The following MTREX variants were observed in gnomAD, a reference collection of about 807,000 sequenced individuals.
The protein encoded by MTREX is exosome RNA helicase MTR4.
A neutral mutation model predicts 135.4 loss-of-function variants in MTREX; 76 were observed. The observed-to-expected ratio is 0.56, with a 90% CI of 0.47 to 0.68. The LOEUF (loss-of-function observed/expected upper bound fraction) is 0.68, where lower values mean the gene tolerates loss of function less well. MTREX is among the 30% of genes least tolerant of loss of function. MTREX has a pLI of 0.00. For synonymous variants in MTREX, 404 were observed against 401.6 expected, an observed-to-expected ratio of 1.01 and a Z score of -0.07; for missense variants, 920 against 1,262.1, an observed-to-expected ratio of 0.73 and a Z score of 4.11.
intron 26 of MTREX, 145 bp downstream of exon 26, chr5:55,423,127 A>G (rs539295427): frequency 3.2e-6 from 2 of 626,360 alleles, no homozygotes; most frequent in South Asian, 2.1e-5. Context: ...TTTCTATAAA[A>G]TTTAGTGTGT....
intron 18 of MTREX, among the ~76,000 whole-genome samples, chr5:55,384,165 T>C (rs1022182110): frequency 1.3e-5 from 2 of 152,188 alleles, no homozygotes; most frequent in African/African-American, 4.8e-5. Context: ...GTCCTATATT[T>C]CTCTGAGGCT....
At chr5:55,314,969 C>T (rs535869611) in intron 1 of MTREX, among the ~76,000 whole-genome samples, 8 of 152,316 alleles carry the variant, frequency 5.3e-5, no homozygotes, top group South Asian at 2.1e-4. Flanking sequence ...TTCACTCACT[C>T]GCTGCTCACT....
rs192221537 is a variant in MTREX at position 55,352,211 on chromosome 5, T to A, written c.1432-957T>A. 1.8e-3 allele frequency among the ~76,000 whole-genome samples: 276 copies of A among 152,194 alleles called. 1 individual carries two copies. Among genetic ancestry groups the A allele is most frequent in the Non-Finnish European group, 2.8e-3 (189 of 67,994 alleles). ...TTATGTTTAAAAATTATTAGAATTT[T>A]AAAAATCAAATGTGAGATTTATCAT... On this transcript the variant is annotated intron_variant, in intron 13 of 26. Transcript: ENST00000230640.
At chr5:55,410,670 A>G (rs1730829514) in intron 23 of MTREX, 41 bp downstream of exon 23, 2 of 1,222,580 alleles carry the variant, frequency 1.6e-6, no homozygotes, top group Admixed American at 1.8e-5. Context: ...ATTAATTCAC[A>G]CATCATGTAG....
chr5:55,425,239 A>G lies in MTREX; in HGVS notation c.*467A>G. ...GGTGATTGCTCGGATAGTGATTCCC[A>G]GTTGTTGGTGTTTCATGCAGAGTTG... On this transcript the variant is annotated 3_prime_UTR_variant, in exon 27 of 27. Transcript: ENST00000230640. 6.2e-7 allele frequency: 1 copy of G among 1,613,918 alleles called. No homozygotes were observed. Among genetic ancestry groups the G allele is most frequent in the Non-Finnish European group, 8.5e-7 (1 of 1,179,950 alleles).
At chr5:55,354,590 G>A (rs1424047050) in intron 14 of MTREX, among the ~76,000 whole-genome samples, 2 of 152,324 alleles carry the variant, frequency 1.3e-5, no homozygotes, top group East Asian at 3.9e-4. Flanking sequence ...TAAAATGTTG[G>A]ATGCTCTACA....
chr5:55,343,551 G>A, intron 8 of MTREX, 96 bp downstream of exon 8: 3 of 1,062,782 alleles, frequency 2.8e-6, no homozygotes, highest in Admixed American at 5.3e-5. Context: ...ATGTTGTCCA[G>A]AATAATAAAA....
intron 7 of MTREX, 112 bp downstream of exon 7, chr5:55,341,883 A>G (rs1237001320): frequency 1.8e-6 from 1 of 545,258 alleles, no homozygotes; most frequent in Non-Finnish European, 3.2e-6. Context: ...CTAGGGTTCT[A>G]ATAAACTGTT....
chr5:55,410,846 CATTA>C (rs1750875666), intron 23 of MTREX, among the ~76,000 whole-genome samples: 1 of 152,022 alleles, frequency 6.6e-6, no homozygotes. Flanking sequence ...CAACAATCAC[CATTA>C]ATTAGATTTT....
At chr5:55,322,185 G>A (rs761601403) in intron 1 of MTREX, 142 bp from the exon 2 acceptor site, 67 of 557,638 alleles carry the variant, frequency 1.2e-4, no homozygotes, top group Non-Finnish European at 1.8e-4. Flanking sequence ...AAGGTATTCC[G>A]GGCTTCAGCC....
intron 5 of MTREX, among the ~76,000 whole-genome samples, chr5:55,335,294 G>A (rs1268503270): frequency 6.6e-6 from 1 of 151,944 alleles, no homozygotes. Context: ...TGTAGAGAAA[G>A]CATTTTAATT....
intron 22 of MTREX, among the ~76,000 whole-genome samples, chr5:55,409,796 A>G (rs2111611351): frequency 6.6e-6 from 1 of 152,324 alleles, no homozygotes; most frequent in African/African-American, 2.4e-5. Context: ...CTAGAATTGT[A>G]TTTCCTAGAT....
intron 22 of MTREX, among the ~76,000 whole-genome samples, chr5:55,406,594 G>T (rs958263852): frequency 1.1e-4 from 16 of 152,180 alleles, no homozygotes. Flanking sequence ...CTGGATTCAA[G>T]TGGGGGATAA....
At chr5:55,374,272 A>G (rs1175349247) in intron 16 of MTREX, among the ~76,000 whole-genome samples, 2 of 146,364 alleles carry the variant, frequency 1.4e-5, no homozygotes, top group African/African-American at 2.5e-5. Context: ...ATTTATATAT[A>G]TATATATATA....
rs1384485625 is a variant in MTREX at position 55,425,215 on chromosome 5, G to GTGAT, written c.*446_*449dup. 4 of 1,613,290 alleles carry GTGAT rather than the reference G, an allele frequency of 2.5e-6. No individual in the cohort carries two copies. The highest frequency in any genetic ancestry group is 2.7e-5 in the African/African-American group (2 of 74,852). On this transcript the variant is annotated 3_prime_UTR_variant, in exon 27 of 27. Coordinates refer to ENST00000230640, the MANE Select transcript of MTREX (RefSeq NM_015360.5). ...GGCACCCTGCTGCCTTTCAAGGCTGGTGATTGCTCGGATAGTGATTCCCAG... is the reference window on the plus strand; with the variant it reads ...GGCACCCTGCTGCCTTTCAAGGCTGGTGATTGATTGCTCGGATAGTGATTCCCAG...
Sources: allele counts gnomAD v4.1 joint callset (sites outside exome capture counted in the v4.1 genomes callset), GRCh38; gene constraint gnomAD v4.1.1; transcripts MANE v1.5; gene names NCBI Gene and HGNC (gene_info 2026-07-23, HGNC 2026-07-21).